Variants in CTNND2 observed in about 807,000 individuals in gnomAD.
The protein encoded by CTNND2 is catenin delta-2.
A neutral mutation model predicts 144.4 loss-of-function variants in CTNND2; 22 were observed. The observed-to-expected ratio is 0.15, with a 90% CI of 0.11 to 0.22. The LOEUF (loss-of-function observed/expected upper bound fraction) is 0.22. Among genes scored for constraint, CTNND2 ranks in the 10% least tolerant of loss-of-function variants. The pLI, the probability that CTNND2 is intolerant of heterozygous loss-of-function variation, is 1.00. For missense variants in CTNND2, 1,353 were observed against 1,618.8 expected, an observed-to-expected ratio of 0.84 and a Z score of 2.82; for synonymous variants, 751 against 695.6, an observed-to-expected ratio of 1.08 and a Z score of -1.25.
intron 18 of CTNND2, among the ~76,000 whole-genome samples, chr5:11,010,354 A>T (rs1314771934): frequency 6.6e-6 from 1 of 152,260 alleles, no homozygotes; most frequent in Non-Finnish European, 1.5e-5. Context: ...GACATATTAA[A>T]GCCCTTCAGT....
At chr5:11,764,980 T>C (rs1440195814) in intron 1 of CTNND2, among the ~76,000 whole-genome samples, 3 of 152,268 alleles carry the variant, frequency 2.0e-5, no homozygotes, top group South Asian at 4.1e-4. Context: ...CCATTGGCCA[T>C]GGGGCAACAT....
At chr5:11,070,382 A>G (rs1748125406) in intron 16 of CTNND2, among the ~76,000 whole-genome samples, 1 of 152,242 alleles carries the variant, frequency 6.6e-6, no homozygotes, top group African/African-American at 2.4e-5. Context: ...AGGACCAGTG[A>G]GTTTAAAGAT....
chr5:11,352,633 G>C (rs891575466), intron 8 of CTNND2, among the ~76,000 whole-genome samples: 2 of 152,060 alleles, frequency 1.3e-5, no homozygotes, highest in African/African-American at 4.8e-5. Flanking sequence ...TTGTGATGGT[G>C]GTGACTATAC....
chr5:11,480,216 C>T (rs1768117839), intron 3 of CTNND2, among the ~76,000 whole-genome samples: 1 of 152,162 alleles, frequency 6.6e-6, no homozygotes, highest in Admixed American at 6.5e-5. Context: ...CAGATTCAAT[C>T]TTCTGCATAT....
At chr5:11,240,122 A>AC (rs552250334) in intron 9 of CTNND2, among the ~76,000 whole-genome samples, 2 of 148,402 alleles carry the variant, frequency 1.3e-5, no homozygotes, top group Non-Finnish European at 3.0e-5. Flanking sequence ...ACACACACAC[A>AC]CCCCCAACAC....
At chr5:11,476,869 C>A (rs1767795573) in intron 3 of CTNND2, among the ~76,000 whole-genome samples, 1 of 152,132 alleles carries the variant, frequency 6.6e-6, no homozygotes. Context: ...CTATTTCCCT[C>A]CAATTTATTT....
chr5:11,512,564 C>A (rs1771754519), intron 3 of CTNND2, among the ~76,000 whole-genome samples: 1 of 152,158 alleles, frequency 6.6e-6, no homozygotes, highest in African/African-American at 2.4e-5. Context: ...AAGTCACCAC[C>A]TCCTTTCTAT....
chr5:11,458,684 T>C (rs531805087), intron 3 of CTNND2, among the ~76,000 whole-genome samples: 1 of 152,370 alleles, frequency 6.6e-6, no homozygotes, highest in Non-Finnish European at 1.5e-5. Context: ...TCAGTTCTAC[T>C]TCCCTCTTGG....
At chr5:11,142,532 T>G (rs1756834222) in intron 12 of CTNND2, among the ~76,000 whole-genome samples, 1 of 152,054 alleles carries the variant, frequency 6.6e-6, no homozygotes, top group Non-Finnish European at 1.5e-5. Flanking sequence ...ATAGTTCACT[T>G]ATAAGAAATA....
intron 2 of CTNND2, among the ~76,000 whole-genome samples, chr5:11,582,961 A>C (rs1428369333): frequency 6.6e-6 from 1 of 152,218 alleles, no homozygotes; most frequent in East Asian, 1.9e-4. Context: ...AAATACACTA[A>C]GAATTTTGGA....
chr5:11,189,321 A>C (rs1736008140), intron 11 of CTNND2, among the ~76,000 whole-genome samples: 1 of 152,192 alleles, frequency 6.6e-6, no homozygotes, highest in South Asian at 2.1e-4. Context: ...CCAAGCACCT[A>C]AACTTCACTT....
chr5:11,630,742 AG>A (rs1337093154), intron 2 of CTNND2, among the ~76,000 whole-genome samples: 3 of 152,098 alleles, frequency 2.0e-5, no homozygotes, highest in Admixed American at 6.5e-5. Flanking sequence ...ACCTGAGGTC[AG>A]GAGTTTGAGA....
At chr5:11,624,106 C>T (rs1297803666) in intron 2 of CTNND2, among the ~76,000 whole-genome samples, 1 of 151,860 alleles carries the variant, frequency 6.6e-6, no homozygotes, top group East Asian at 1.9e-4. Flanking sequence ...GACTAATACA[C>T]TCGTTAATAA....
intron 3 of CTNND2, among the ~76,000 whole-genome samples, chr5:11,439,796 CTATCTT>C: frequency 7.7e-6 from 1 of 129,642 alleles, no homozygotes; most frequent in African/African-American, 2.8e-5. Flanking sequence ...ATCTATCTAT[CTATCTT>C]ATATATATGT....
intron 3 of CTNND2, among the ~76,000 whole-genome samples, chr5:11,447,000 T>TACACAC (rs66818629): frequency 4.6e-5 from 7 of 151,174 alleles, no homozygotes; most frequent in African/African-American, 1.5e-4. Flanking sequence ...GGCTCTAACA[T>TACACAC]ACACACACAC....
At chr5:11,436,130 C>G (rs898542653) in intron 3 of CTNND2, among the ~76,000 whole-genome samples, 3 of 151,854 alleles carry the variant, frequency 2.0e-5, no homozygotes, top group Non-Finnish European at 4.4e-5. Flanking sequence ...AGAACCAATC[C>G]CTACCAAGGC....
intron 6 of CTNND2, among the ~76,000 whole-genome samples, chr5:11,392,333 T>C (rs1223510622): frequency 6.6e-6 from 1 of 152,048 alleles, no homozygotes; most frequent in African/African-American, 2.4e-5. Context: ...GGAAAGAAAA[T>C]AGAGAAGAAA....
chr5:11,452,142 C>CTAAA (rs1765364072), intron 3 of CTNND2, among the ~76,000 whole-genome samples: 1 of 152,246 alleles, frequency 6.6e-6, no homozygotes, highest in Admixed American at 6.5e-5. Context: ...GCCCTCTAGG[C>CTAAA]TAAATATCTA....
At chr5:11,678,254 A>C (rs1157307988) in intron 2 of CTNND2, among the ~76,000 whole-genome samples, 1 of 152,178 alleles carries the variant, frequency 6.6e-6, no homozygotes, top group Non-Finnish European at 1.5e-5. Flanking sequence ...CTCTGATAGA[A>C]ATGTGTACTT....
Sources: allele counts gnomAD v4.1 joint callset (sites outside exome capture counted in the v4.1 genomes callset), GRCh38; gene constraint gnomAD v4.1.1; transcripts MANE v1.5; gene names NCBI Gene and HGNC (gene_info 2026-07-23, HGNC 2026-07-21).